Variants in MYO16 observed in about 807,000 individuals in gnomAD.
MYO16 encodes myosin XVI, also known as unconventional myosin-XVI.
MYO16 carries 94 observed loss-of-function variants against 205.3 expected under a neutral mutation model. The observed-to-expected ratio is 0.46, with a 90% confidence interval of 0.39 to 0.54. The LOEUF (loss-of-function observed/expected upper bound fraction) is 0.54. MYO16 is among the 20% of genes least tolerant of loss of function. MYO16 has a pLI of 0.00. For synonymous variants in MYO16, 988 were observed against 954.0 expected, an observed-to-expected ratio of 1.04 and a Z score of -0.66; for missense variants, 2,315 against 2,387.5, an observed-to-expected ratio of 0.97 and a Z score of 0.63.
intron 4 of MYO16, among the ~76,000 whole-genome samples, chr13:108,745,038 T>C (rs1056546176): frequency 1.7e-4 from 26 of 152,226 alleles, no homozygotes; most frequent in African/African-American, 6.0e-4. Context: ...CTGTAAGATT[T>C]CTAATTTCAA....
intron 5 of MYO16, among the ~76,000 whole-genome samples, chr13:108,789,805 C>G (rs761946590): frequency 6.6e-6 from 1 of 152,080 alleles, no homozygotes; most frequent in Non-Finnish European, 1.5e-5. Flanking sequence ...ATTGCAAATG[C>G]CTGTTTAGCT....
intron 2 of MYO16, among the ~76,000 whole-genome samples, chr13:108,668,018 A>G (rs533536304): frequency 6.6e-6 from 1 of 152,320 alleles, no homozygotes; most frequent in Admixed American, 6.5e-5. Context: ...AATCTGTGCA[A>G]CAGAGCAAGA....
At chr13:108,795,485 G>T (rs888859972) in intron 6 of MYO16, among the ~76,000 whole-genome samples, 1 of 152,140 alleles carries the variant, frequency 6.6e-6, no homozygotes, top group Admixed American at 6.5e-5. Flanking sequence ...TGGGATTACA[G>T]GTGTGAGTTA....
intron 3 of MYO16, among the ~76,000 whole-genome samples, chr13:108,721,244 C>T (rs1375724564): frequency 6.6e-6 from 1 of 152,178 alleles, no homozygotes; most frequent in African/African-American, 2.4e-5. Flanking sequence ...CTTTGGACAA[C>T]CTTTGAGGAA....
chr13:108,702,171 G>C (rs918109307), intron 2 of MYO16, among the ~76,000 whole-genome samples: 2 of 152,138 alleles, frequency 1.3e-5, no homozygotes, highest in African/African-American at 4.8e-5. Context: ...GCTGAATTTG[G>C]TGGAAAATAT....
intron 22 of MYO16, among the ~76,000 whole-genome samples, chr13:109,009,978 C>G (rs1407653688): frequency 6.6e-6 from 1 of 152,184 alleles, no homozygotes; most frequent in Non-Finnish European, 1.5e-5. Flanking sequence ...CATCTAGCAC[C>G]TTCTCTCTAG....
At chr13:108,544,226 T>A in the MYO16 span, among the ~76,000 whole-genome samples, 1 of 152,186 alleles carries the variant, frequency 6.6e-6, no homozygotes, top group African/African-American at 2.4e-5. Context: ...CTAGGTGGAA[T>A]GTAGCCATCA....
At chr13:108,837,241 C>T (rs896118843) in intron 9 of MYO16, among the ~76,000 whole-genome samples, 14 of 152,126 alleles carry the variant, frequency 9.2e-5, no homozygotes, top group African/African-American at 3.1e-4. Context: ...TGTTCTTCCT[C>T]CTGCCACCCT....
intron 16 of MYO16, among the ~76,000 whole-genome samples, chr13:108,955,448 A>G (rs533210137): frequency 9.2e-5 from 14 of 152,266 alleles, no homozygotes; most frequent in Non-Finnish European, 1.6e-4. Flanking sequence ...TCCAGCTCAC[A>G]TGGCCACCAT....
chr13:108,652,831 G>T (rs1881071293), intron 1 of MYO16, among the ~76,000 whole-genome samples: 1 of 152,142 alleles, frequency 6.6e-6, no homozygotes, highest in Non-Finnish European at 1.5e-5. Flanking sequence ...TGGCAATTTT[G>T]AATAGAGCTT....
chr13:108,722,990 A>G (rs9514889), intron 3 of MYO16, among the ~76,000 whole-genome samples: 37,528 of 151,978 alleles, frequency 0.25, 5,623 homozygotes, highest in East Asian at 0.55. Context: ...CTTGAATCCT[A>G]ATAATGGTGT....
chr13:108,532,261 A>T, the MYO16 span, among the ~76,000 whole-genome samples: 1 of 151,872 alleles, frequency 6.6e-6, no homozygotes, highest in Non-Finnish European at 1.5e-5. Flanking sequence ...AGAGCAGAAG[A>T]AGCAACTACT....
the MYO16 span, among the ~76,000 whole-genome samples, chr13:108,569,509 A>T: frequency 6.6e-6 from 1 of 152,134 alleles, no homozygotes; most frequent in Non-Finnish European, 1.5e-5. Flanking sequence ...GGTAATTTAC[A>T]AACTTGCTTA....
intron 22 of MYO16, among the ~76,000 whole-genome samples, chr13:109,019,412 C>T (rs74390990): frequency 0.017 from 2,570 of 152,192 alleles, 76 homozygotes; most frequent in African/African-American, 0.059. Flanking sequence ...GTCTGAATTT[C>T]ATTTTTCTTA....
intron 27 of MYO16, among the ~76,000 whole-genome samples, chr13:109,065,089 C>T (rs1275379137): frequency 1.3e-5 from 2 of 152,310 alleles, no homozygotes; most frequent in South Asian, 4.1e-4. Context: ...GGTCCCTTCA[C>T]TCCTATGCCT....
At chr13:108,828,049 A>G (rs1876382110) in intron 9 of MYO16, among the ~76,000 whole-genome samples, 1 of 152,130 alleles carries the variant, frequency 6.6e-6, no homozygotes, top group South Asian at 2.1e-4. Context: ...ATTTTTTACT[A>G]CAGTTACCAG....
Position 109,102,391 on chromosome 13 carries a change from C to T in MYO16, c.3438+1504C>T, listed in dbSNP as rs955216253. 1.5e-4 allele frequency among the ~76,000 whole-genome samples: 23 copies of T among 151,896 alleles called. No individual in the cohort carries two copies. In the East Asian group the frequency reaches 1.7e-3, roughly 11 times the overall value. On this transcript the variant is annotated intron_variant, in intron 28 of 34. Coordinates refer to ENST00000457511, the MANE Select transcript of MYO16 (RefSeq NM_001198950.3). ...TAAGTAATTATATAGTAGTAGTCCA[C>T]GGATGATGTAACACTAAGATATTCT...
chr13:108,996,541 A>G (rs1885008702), intron 21 of MYO16, among the ~76,000 whole-genome samples: 1 of 152,216 alleles, frequency 6.6e-6, no homozygotes, highest in Admixed American at 6.5e-5. Context: ...CTTGTATCTC[A>G]GAGAATTATA....
At chr13:109,007,774 A>G (rs1192312667) in intron 21 of MYO16, among the ~76,000 whole-genome samples, 2 of 152,128 alleles carry the variant, frequency 1.3e-5, no homozygotes, top group African/African-American at 4.8e-5. Context: ...AAAAATTGAC[A>G]GTTGGAGGAA....
Sources: allele counts gnomAD v4.1 joint callset (sites outside exome capture counted in the v4.1 genomes callset), GRCh38; gene constraint gnomAD v4.1.1; transcripts MANE v1.5; gene names NCBI Gene and HGNC (gene_info 2026-07-23, HGNC 2026-07-21).